ZFPM1: variants seen among roughly 807,000 people sequenced by gnomAD.
The protein encoded by ZFPM1 is zinc finger protein ZFPM1.
A neutral mutation model predicts 46.3 loss-of-function variants in ZFPM1; 28 were observed. The observed-to-expected ratio is 0.60, with a 90% CI of 0.45 to 0.83. The LOEUF is 0.83. ZFPM1 is among the 40% of genes least tolerant of loss of function. The pLI, the probability that ZFPM1 is intolerant of heterozygous loss-of-function variation, is 0.00. For missense variants in ZFPM1, 1,878 were observed against 1,432.4 expected (o/e 1.31, Z -5.02); for synonymous variants, 957 against 675.9 (o/e 1.42, Z -6.45).
intron 1 of ZFPM1, 89 bp from the exon 2 acceptor site, chr16:88,485,850 C>A (rs1478079616): frequency 1.3e-5 from 16 of 1,266,600 alleles, no homozygotes; most frequent in Non-Finnish European, 1.1e-6. Context: ...CGCCTGGGCA[C>A]CGGGGCTGTA....
intron 3 of ZFPM1, among the ~76,000 whole-genome samples, chr16:88,492,397 G>A (rs1268563127): frequency 6.6e-6 from 1 of 152,142 alleles, no homozygotes; most frequent in Non-Finnish European, 1.5e-5. Flanking sequence ...AGGCGGCCTG[G>A]GAGGTGCCGT....
chr16:88,532,643 C>G lies in ZFPM1; in HGVS notation c.976C>G (p.Leu326Val). Reference sequence around the variant, plus strand: ...GCGGCCCTTCGTGTGCCTGATCTGCCTGTCGGCCTTCACCACCAAGGCCAA... The same window carrying G: ...GCGGCCCTTCGTGTGCCTGATCTGCGTGTCGGCCTTCACCACCAAGGCCAA... ...GERPFVCLICLSAFTTKANCE... is the reference protein window; with the variant it reads ...GERPFVCLICVSAFTTKANCE... Residue 326 changes from leucine to valine, a missense_variant, in exon 8 of 10, where the codon CTG becomes GTG. Physicochemically the swap from Leu to Val is conservative, Grantham distance 32 (BLOSUM62 1). Transcript: ENST00000319555. 6.3e-7 allele frequency: 1 copy of G among 1,587,400 alleles called. No individual in the cohort carries two copies. Among genetic ancestry groups the G allele is most frequent in the Non-Finnish European group, 8.6e-7 (1 of 1,166,806 alleles).
Position 88,533,810 on chromosome 16 carries a change from C to T in ZFPM1, c.1852C>T (p.Pro618Ser), listed in dbSNP as rs1567558180. 1.9e-6 allele frequency: 2 copies of T among 1,072,384 alleles called. No homozygotes were observed. The highest frequency in any genetic ancestry group is 4.3e-4 in the Middle Eastern group (1 of 2,314). The allele number at this position is 1,072,384 out of a possible 1,614,324, so 66.4% of individuals were successfully genotyped here. ...GCCTGCCGCGCGCAGGCCCAAGGCG[C>T]CCCCCGGCCCGGCCCGCGCGCCCCC... Reference protein sequence around the residue: ...DAPAARRPKAPPGPARAPPGQ... With the variant: ...DAPAARRPKASPGPARAPPGQ... Residue 618 changes from proline (P) to serine (S), a missense_variant, in exon 10 of 10, where the codon CCC becomes TCC. Pro to Ser is a moderately conservative substitution (Grantham distance 74). Coordinates refer to ENST00000319555, the MANE Select transcript of ZFPM1 (RefSeq NM_153813.3).
intron 1 of ZFPM1, among the ~76,000 whole-genome samples, chr16:88,453,958 C>G (rs1333341845): frequency 1.3e-5 from 2 of 152,170 alleles, no homozygotes; most frequent in South Asian, 4.1e-4. Context: ...AGCTCGGCCC[C>G]TCGCGGCCTG....
chr16:88,526,683 C>T, intron 4 of ZFPM1, 131 bp from the exon 5 acceptor site: 1 of 972,426 alleles, frequency 1.0e-6, no homozygotes, highest in East Asian at 2.6e-5. Flanking sequence ...GGGCCAATGA[C>T]TGTCCACAGC....
At position 88,469,054 on chromosome 16, in the gene ZFPM1, T is replaced by C. The variant is rs1013883314; in HGVS notation, c.40+15376T>C. 6.5e-6 allele frequency: 1 copy of C among 153,772 alleles called. No homozygotes were observed. The highest frequency in any genetic ancestry group is 1.5e-5 in the Non-Finnish European group (1 of 67,964). 9.5% of individuals were successfully genotyped at this position (153,772 alleles called of 1,614,324 possible). On this transcript the variant is annotated intron_variant, in intron 1 of 9. Coordinates refer to ENST00000319555, the MANE Select transcript of ZFPM1 (RefSeq NM_153813.3). This position sits in a 1 kb window ranked among gnomAD's most constrained non-coding sequence, Gnocchi z 4.3. ...AGGACCCAGGAGTTCCCGAGAGGAG[T>C]GCAGCCAGCAGCCACTCCCAGATGG...
intron 4 of ZFPM1, among the ~76,000 whole-genome samples, chr16:88,521,780 A>ACCCTGTGCTGTTCCCTC (rs1249519395): frequency 7.2e-4 from 12 of 16,782 alleles, no homozygotes; most frequent in Middle Eastern, 0.045. Flanking sequence ...CTGTTCCCAC[A>ACCCTGTGCTGTTCCCTC]CCCTGTGCTG....
At chr16:88,498,087 G>A (rs151140242) in intron 3 of ZFPM1, among the ~76,000 whole-genome samples, 1 of 152,182 alleles carries the variant, frequency 6.6e-6, no homozygotes, top group African/African-American at 2.4e-5. Flanking sequence ...GGGGGCCCTG[G>A]CGGATGGCAG....
intron 4 of ZFPM1, among the ~76,000 whole-genome samples, chr16:88,520,521 GATGA>G (rs1213135526): frequency 6.7e-6 from 1 of 150,114 alleles, no homozygotes; most frequent in Non-Finnish European, 1.5e-5. Flanking sequence ...TAGATGAATG[GATGA>G]ATGAATGGGT....
chr16:88,472,246 G>A (rs1026073989), intron 1 of ZFPM1, among the ~76,000 whole-genome samples: 18 of 152,206 alleles, frequency 1.2e-4, no homozygotes, highest in Non-Finnish European at 4.4e-5. Flanking sequence ...AGGCAGGGAT[G>A]TGCCAGCTCT....
At chr16:88,467,516 G>T (rs1460670325) in intron 1 of ZFPM1, among the ~76,000 whole-genome samples, 3 of 152,246 alleles carry the variant, frequency 2.0e-5, no homozygotes, top group African/African-American at 7.2e-5. Context: ...AAAATGGGGT[G>T]CCAGTCGCCC....
intron 1 of ZFPM1, among the ~76,000 whole-genome samples, chr16:88,461,464 G>C (rs1907888189): frequency 6.6e-6 from 1 of 152,198 alleles, no homozygotes; most frequent in Non-Finnish European, 1.5e-5. Context: ...TCACGTCCTG[G>C]CCTGGCCTTG....
intron 1 of ZFPM1, among the ~76,000 whole-genome samples, chr16:88,460,821 A>G (rs1006075982): frequency 6.6e-6 from 1 of 152,004 alleles, no homozygotes; most frequent in African/African-American, 2.4e-5. Context: ...GCCGGGTGAC[A>G]TGGTGCTCCT....
chr16:88,533,322 C>A lies in ZFPM1; in HGVS notation c.1364C>A (p.Pro455His). Residue 455 changes from proline to histidine, a missense_variant, in exon 10 of 10, where the codon CCC becomes CAC. Pro to His is a moderately conservative substitution (Grantham distance 77). Coordinates refer to ENST00000319555, the MANE Select transcript of ZFPM1 (RefSeq NM_153813.3). ...GCCCAGAATGGAGGCAGCAGCGAGC[C>A]CCCGGCGGCCCCCAGGAGCATCAAG... The part of the protein sequence containing the change: ...PLAQNGGSSE[P>H]PAAPRSIKVE... The A allele has an allele frequency of 6.5e-7, 1 of 1,532,810 alleles. No homozygotes were observed. Among genetic ancestry groups the A allele is most frequent in the Non-Finnish European group, 8.7e-7 (1 of 1,143,808 alleles). 95.0% of individuals were successfully genotyped at this position (1,532,810 alleles called of 1,614,324 possible). A position where few individuals can be genotyped will look rare whatever the true frequency, so the allele number is the denominator to read the frequency against.
Position 88,514,465 on chromosome 16 carries a change from G to C in ZFPM1, c.347G>C (p.Gly116Ala). ...RLSLATGLSW[G>A]PFHGSVQTRA... ...AGCCTCGCCACGGGCCTGTCCTGGG[G>C]CCCGTTCCATGGGAGTGTCCAGACC... The change falls in exon 4 of 10, where the codon GGC becomes GCC. Residue 116 changes from glycine to alanine, a missense_variant. Gly to Ala is a moderately conservative substitution (Grantham distance 60). Coordinates refer to ENST00000319555, the MANE Select transcript of ZFPM1 (RefSeq NM_153813.3). 1 of 1,562,176 alleles carries C rather than the reference G, an allele frequency of 6.4e-7. No individual in the cohort carries two copies. The highest frequency in any genetic ancestry group is 8.7e-7 in the Non-Finnish European group (1 of 1,153,698).
chr16:88,511,905 G>C (rs1910986146), intron 3 of ZFPM1, among the ~76,000 whole-genome samples: 1 of 152,162 alleles, frequency 6.6e-6, no homozygotes, highest in South Asian at 2.1e-4. Context: ...AGGGAGATGG[G>C]TTGTCATGGT....
Position 88,500,069 on chromosome 16 carries a change from C to T in ZFPM1, c.268+10916C>T, listed in dbSNP as rs140157241. ...TGTGGCCAGGGCAGCCTATCTCGGC[C>T]GCAGGCGCTAATCAAGCTGGCTTCC... On this transcript the variant is annotated intron_variant, in intron 3 of 9. Transcript: ENST00000319555. 4.0e-3 allele frequency among the ~76,000 whole-genome samples: 602 copies of T among 152,318 alleles called. 4 individuals are homozygous for T. Among genetic ancestry groups the T allele is most frequent in the African/African-American group, 0.014 (566 of 41,562 alleles).
At chr16:88,489,198 G>A (rs749936248) in intron 3 of ZFPM1, 45 bp downstream of exon 3, 5 of 1,541,968 alleles carry the variant, frequency 3.2e-6, no homozygotes, top group Non-Finnish European at 4.4e-6. Flanking sequence ...CTCCCGGGCA[G>A]CCTGGCCCGG....
intron 1 of ZFPM1, among the ~76,000 whole-genome samples, chr16:88,475,331 G>A (rs532689655): frequency 1.3e-5 from 2 of 152,298 alleles, no homozygotes; most frequent in Admixed American, 6.5e-5. Flanking sequence ...GGGCAGGAGC[G>A]CACGCGATGG....
Sources: gnomAD v4.1 joint callset for allele counts (sites outside exome capture counted in the v4.1 genomes callset) on GRCh38, gnomAD v4.1.1 for gene constraint, Gnocchi (gnomAD v3.1) non-coding constraint, MANE v1.5 for transcripts, NCBI Gene and HGNC (gene_info 2026-07-23, HGNC 2026-07-21) for gene names.